The following PPP1R13B variants were observed in gnomAD, a reference collection of about 807,000 sequenced individuals.
The protein encoded by PPP1R13B is protein phosphatase 1 regulatory subunit 13B.
Under a neutral mutation model 119.8 loss-of-function variants are expected in PPP1R13B, and 44 were observed. The ratio of observed to expected loss-of-function variants is 0.37; its 90% confidence interval spans 0.29 to 0.47. PPP1R13B has a LOEUF of 0.47. PPP1R13B is among the 20% of genes least tolerant of loss of function. The pLI is 0.99. For synonymous variants in PPP1R13B, 542 were observed against 561.5 expected (o/e 0.97, Z 0.49); for missense variants, 1,227 against 1,413.5 (o/e 0.87, Z 2.12).
chr14:103,804,707 C>A (rs1018859178), intron 1 of PPP1R13B, among the ~76,000 whole-genome samples: 4 of 151,830 alleles, frequency 2.6e-5, no homozygotes, highest in African/African-American at 9.7e-5. Flanking sequence ...ATACTACAGC[C>A]TGGGTGATAG....
intron 1 of PPP1R13B, among the ~76,000 whole-genome samples, chr14:103,828,906 TA>T (rs1419811928): frequency 2.0e-5 from 3 of 152,218 alleles, no homozygotes; most frequent in Non-Finnish European, 4.4e-5. Flanking sequence ...TATAAGGTGA[TA>T]AAGGTCCTCC....
chr14:103,818,560 T>C (rs919698351), intron 1 of PPP1R13B: 1 of 894,336 alleles, frequency 1.1e-6, no homozygotes, highest in Non-Finnish European at 1.3e-6. Context: ...TTCGTCCTCA[T>C]GGCAACCTCA....
At chr14:103,825,281 G>A (rs548272569) in intron 1 of PPP1R13B, among the ~76,000 whole-genome samples, 1 of 152,098 alleles carries the variant, frequency 6.6e-6, no homozygotes, top group African/African-American at 2.4e-5. Flanking sequence ...ATTGAAATCA[G>A]GCCAATTAAT....
intron 6 of PPP1R13B, among the ~76,000 whole-genome samples, chr14:103,753,824 C>T (rs2084608580): frequency 5.3e-5 from 8 of 152,120 alleles, no homozygotes; most frequent in Admixed American, 5.2e-4. Context: ...TGGCTTACTG[C>T]AGCCTTGACC....
chr14:103,847,112 C>T (rs2087063389), intron 1 of PPP1R13B, 187 bp downstream of exon 1: 1 of 984,882 alleles, frequency 1.0e-6, no homozygotes, highest in East Asian at 1.1e-4. Context: ...CCCGCGCTGA[C>T]AGCCCGGCGC....
At position 103,740,162 on chromosome 14, in the gene PPP1R13B, T is replaced by C. The variant is rs938613836; in HGVS notation, c.2254A>G (p.Met752Val). Residue 752 changes from methionine (M) to valine (V), a missense_variant, in exon 12 of 17, where the codon ATG (methionine) becomes GTG (valine). Met to Val is a conservative substitution (Grantham distance 21). Transcript: ENST00000202556. This position sits in a 1 kb window ranked among gnomAD's most constrained non-coding sequence, Gnocchi z 4.6. ...TTGTCCACATCGGCCAAGGTGCCCA[T>C]GAAGTCCTGGGAGGGGCTGGGCTGG... ...FYQPSPSQDFMGTLADVDNGN... is the reference protein window; with the variant it reads ...FYQPSPSQDFVGTLADVDNGN... The C allele has an allele frequency of 1.2e-6, 2 of 1,613,540 alleles. No individual in the cohort carries two copies. Among genetic ancestry groups the C allele is most frequent in the African/African-American group, 2.7e-5 (2 of 74,904 alleles).
intron 2 of PPP1R13B, among the ~76,000 whole-genome samples, chr14:103,793,124 G>A (rs1371439652): frequency 3.1e-5 from 4 of 127,970 alleles, no homozygotes; most frequent in Non-Finnish European, 6.8e-5. Flanking sequence ...GGAAGGCAAT[G>A]GGAGGGGAGG....
In PPP1R13B at chr14:103,797,375, T is replaced by G; in HGVS notation, c.153A>C (p.Gly51=). Residue 51 remains glycine (G), a synonymous_variant, in exon 2 of 17, where the codon GGA becomes GGC. Transcript: ENST00000202556. ...TTTACAGGACCTAATACATACCATT[T>G]CCCCTCCACACTTCAGCTAAATGGC... is the stretch of plus-strand genomic sequence containing the variant. ...GSCHLAEVWR[G]NERPIPFDHM... is the part of the protein sequence containing the mutation. 1.2e-6 allele frequency: 2 copies of G among 1,613,768 alleles called. No individual in the cohort carries two copies. The highest frequency in any genetic ancestry group is 1.7e-6 in the Non-Finnish European group (2 of 1,179,890).
chr14:103,794,100 C>A (rs570422118), intron 2 of PPP1R13B, among the ~76,000 whole-genome samples: 4 of 152,284 alleles, frequency 2.6e-5, no homozygotes, highest in African/African-American at 9.6e-5. Context: ...AGCCTGCTGA[C>A]ACCTTCATCT....
chr14:103,846,794 A>C, intron 1 of PPP1R13B: 1 of 457,710 alleles, frequency 2.2e-6, no homozygotes. Context: ...AGATACGGGA[A>C]AAGGGAATTC....
At chr14:103,815,654 C>T (rs1595814607) in intron 1 of PPP1R13B, among the ~76,000 whole-genome samples, 1 of 152,208 alleles carries the variant, frequency 6.6e-6, no homozygotes, top group South Asian at 2.1e-4. Flanking sequence ...ACTCAGGAGG[C>T]TGAGGCAGGA....
intron 4 of PPP1R13B, chr14:103,763,905 A>G (rs1486489358): frequency 6.6e-6 from 1 of 152,272 alleles, no homozygotes; most frequent in Non-Finnish European, 1.5e-5. Flanking sequence ...TACCATAGGT[A>G]GTCTTTCACA....
chr14:103,760,825 G>A (rs1367979074), intron 4 of PPP1R13B, among the ~76,000 whole-genome samples: 1 of 152,168 alleles, frequency 6.6e-6, no homozygotes, highest in Non-Finnish European at 1.5e-5. Context: ...TGAGCAGAGG[G>A]AAATAGTTTT....
chr14:103,808,638 C>A (rs529175820), intron 1 of PPP1R13B, among the ~76,000 whole-genome samples: 8 of 152,154 alleles, frequency 5.3e-5, no homozygotes, highest in African/African-American at 1.9e-4. Flanking sequence ...AGCACTACCC[C>A]CTTCCCCTGA....
At chr14:103,791,647 C>T (rs1467918545) in intron 2 of PPP1R13B, among the ~76,000 whole-genome samples, 1 of 152,134 alleles carries the variant, frequency 6.6e-6, no homozygotes, top group African/African-American at 2.4e-5. Context: ...TAGCTTGAAC[C>T]CACGAGGTGG....
intron 1 of PPP1R13B, 157 bp downstream of exon 1, chr14:103,847,142 G>T (rs891000889): frequency 8.8e-5 from 86 of 978,944 alleles, no homozygotes; most frequent in Admixed American, 5.6e-4. Flanking sequence ...CTGCCCGCCT[G>T]GGGGGCGCCG....
At chr14:103,796,238 G>A (rs1413506823) in intron 2 of PPP1R13B, among the ~76,000 whole-genome samples, 4 of 152,066 alleles carry the variant, frequency 2.6e-5, no homozygotes, top group Non-Finnish European at 5.9e-5. Flanking sequence ...AGCCAGGATT[G>A]TGCCACTGTT....
intron 2 of PPP1R13B, among the ~76,000 whole-genome samples, chr14:103,789,940 A>C (rs968868417): frequency 6.6e-6 from 1 of 152,160 alleles, no homozygotes; most frequent in Non-Finnish European, 1.5e-5. Context: ...CTCTAGACTT[A>C]TACCCACATT....
Position 103,754,150 on chromosome 14 carries a change from T to C in PPP1R13B, c.551A>G (p.Glu184Gly). The C allele has an allele frequency of 6.2e-7, 1 of 1,614,106 alleles. No homozygotes were observed. The highest frequency in any genetic ancestry group is 2.2e-5 in the East Asian group (1 of 44,888). Reference protein sequence around the residue: ...EKLQKLKERVEAQENKLKKIR... With the variant: ...EKLQKLKERVGAQENKLKKIR... ...TTTCTTCAGCTTGTTCTCCTGGGCT[T>C]CAACTCGTTCTTTCAATTTCTGAAG... The change falls in exon 6 of 17, where the codon GAA becomes GGA. Residue 184 changes from glutamate to glycine, a missense_variant. Physicochemically the swap from Glu to Gly is moderately conservative, Grantham distance 98. Transcript: ENST00000202556.
Sources: gnomAD v4.1 joint callset for allele counts (sites outside exome capture counted in the v4.1 genomes callset) on GRCh38, gnomAD v4.1.1 for gene constraint, Gnocchi (gnomAD v3.1) non-coding constraint, MANE v1.5 for transcripts, NCBI Gene and HGNC (gene_info 2026-07-23, HGNC 2026-07-21) for gene names.